Variants in RBFOX1 observed in about 807,000 individuals in gnomAD.
RBFOX1 encodes RNA binding protein fox-1 homolog 1.
Under a neutral mutation model 57.7 loss-of-function variants are expected in RBFOX1, and 8 were observed. The ratio of observed to expected loss-of-function variants is 0.14; its 90% CI spans 0.08 to 0.25. RBFOX1 has a LOEUF of 0.25. RBFOX1 is among the 10% of genes least tolerant of loss of function. The pLI is 1.00. For synonymous variants in RBFOX1, 326 were observed against 222.4 expected (o/e 1.47, Z -4.15); for missense variants, 611 against 548.5 (o/e 1.11, Z -1.14).
chr16:7,314,918 C>T (rs911539588), intron 4 of RBFOX1, among the ~76,000 whole-genome samples: 1 of 152,030 alleles, frequency 6.6e-6, no homozygotes, highest in East Asian at 1.9e-4. Flanking sequence ...ATTTATTTTC[C>T]GGATTGGGAA....
At chr16:5,366,046 G>C in intron 1 of RBFOX1, 4 of 482,424 alleles carry the variant, frequency 8.3e-6, no homozygotes, top group Admixed American at 2.2e-5. Flanking sequence ...TGTCTGTACA[G>C]CAATGGTTTC....
At chr16:7,460,007 C>G (rs74012590) in intron 4 of RBFOX1, among the ~76,000 whole-genome samples, 1 of 151,998 alleles carries the variant, frequency 6.6e-6, no homozygotes, top group African/African-American at 2.4e-5. Context: ...ACAAGAGAAA[C>G]AGGTATGATT....
At chr16:6,151,997 C>G (rs952186437) in intron 1 of RBFOX1, among the ~76,000 whole-genome samples, 1 of 152,148 alleles carries the variant, frequency 6.6e-6, no homozygotes. Flanking sequence ...ATGTGAATAG[C>G]CATTCCTTGG....
intron 4 of RBFOX1, among the ~76,000 whole-genome samples, chr16:7,095,899 G>C (rs1180580776): frequency 1.3e-5 from 2 of 151,430 alleles, no homozygotes; most frequent in Non-Finnish European, 2.9e-5. Flanking sequence ...TGTAATCCCA[G>C]CTACTTGGGA....
chr16:5,357,881 G>A (rs2065436982), intron 1 of RBFOX1, among the ~76,000 whole-genome samples: 2 of 152,186 alleles, frequency 1.3e-5, no homozygotes, highest in African/African-American at 4.8e-5. Context: ...CATGGAATGA[G>A]ATGAAATGTA....
chr16:7,123,052 G>T (rs1200202524), intron 4 of RBFOX1, among the ~76,000 whole-genome samples: 1 of 152,016 alleles, frequency 6.6e-6, no homozygotes, highest in African/African-American at 2.4e-5. Context: ...GGGGTTGGGG[G>T]GAGGGTAGTT....
rs562265580 is a variant in RBFOX1 at position 7,039,008 on chromosome 16, A to C, written c.-15-13049A>C. On this transcript the variant is annotated intron_variant, in intron 3 of 15. Transcript: ENST00000550418. ...GCCAGAGCAGTGACTCTCTTGATATAAGTACCATTATTACCAAACAATATG... is the reference window on the plus strand; with the variant it reads ...GCCAGAGCAGTGACTCTCTTGATATCAGTACCATTATTACCAAACAATATG... 1.7e-4 allele frequency among the ~76,000 whole-genome samples: 25 copies of C among 150,256 alleles called. No individual in the cohort carries two copies. The Admixed American group carries it at 1.7e-3, about 10-fold the overall frequency.
chr16:7,093,563 C>T (rs2061211812), intron 4 of RBFOX1, among the ~76,000 whole-genome samples: 1 of 152,148 alleles, frequency 6.6e-6, no homozygotes, highest in African/African-American at 2.4e-5. Context: ...ATGATGGACC[C>T]TCATGAACAT....
At chr16:5,920,939 C>T (rs898892886) in intron 4 of RBFOX1, among the ~76,000 whole-genome samples, 5 of 95,396 alleles carry the variant, frequency 5.2e-5, no homozygotes, top group Non-Finnish European at 1.2e-4. Flanking sequence ...GAACATGTGC[C>T]GTGCAAGGCT....
rs184410371 is a variant in RBFOX1, at chr16:5,286,420, G to A, written c.219+46315G>A. On this transcript the variant is annotated intron_variant, in intron 1 of 2. Transcript: ENST00000585867. ...TTCCTCAGGCCTCTCAGTAGTAAGT[G>A]TGAGCACTAGCTCTGGAGGCAGGGG... Among the ~76,000 whole-genome samples, 6 of 152,308 alleles carry A rather than the reference G, an allele frequency of 3.9e-5. No individual in the cohort carries two copies. The East Asian group carries it at 1.2e-3, about 29-fold the overall frequency.
intron 3 of RBFOX1, among the ~76,000 whole-genome samples, chr16:6,964,509 G>T (rs568406488): frequency 3.9e-4 from 59 of 152,254 alleles, no homozygotes; most frequent in Non-Finnish European, 7.1e-4. Flanking sequence ...TGCACCTCTG[G>T]TAGGGGGTTT....
At chr16:5,786,529 G>A (rs1239317521) in intron 3 of RBFOX1, among the ~76,000 whole-genome samples, 1 of 152,162 alleles carries the variant, frequency 6.6e-6, no homozygotes, top group Non-Finnish European at 1.5e-5. Flanking sequence ...TGCCTCGAGA[G>A]GGTTCTGCAC....
chr16:7,115,359 T>C (rs1327364983), intron 4 of RBFOX1, among the ~76,000 whole-genome samples: 3 of 152,200 alleles, frequency 2.0e-5, no homozygotes, highest in Non-Finnish European at 4.4e-5. Flanking sequence ...ATGAAAGTCC[T>C]ACCTACATAG....
chr16:5,444,617 C>G (rs1024047099), intron 1 of RBFOX1, among the ~76,000 whole-genome samples: 2 of 152,052 alleles, frequency 1.3e-5, no homozygotes, highest in South Asian at 2.1e-4. Context: ...GATCTCATGG[C>G]CAGATGTCTC....
At chr16:6,020,330 C>T (rs1346258772) in intron 1 of RBFOX1, among the ~76,000 whole-genome samples, 1 of 152,090 alleles carries the variant, frequency 6.6e-6, no homozygotes, top group Non-Finnish European at 1.5e-5. Flanking sequence ...CCTGCCTGCG[C>T]ACTTTGATTA....
chr16:7,198,218 G>T (rs1030398523), intron 4 of RBFOX1, among the ~76,000 whole-genome samples: 2 of 151,768 alleles, frequency 1.3e-5, no homozygotes, highest in Non-Finnish European at 2.9e-5. Context: ...TGTTAGCCAG[G>T]ATGTTTTCAA....
chr16:5,675,316 C>T (rs7186077), intron 3 of RBFOX1, among the ~76,000 whole-genome samples: 3,061 of 152,178 alleles, frequency 0.02, 97 homozygotes, highest in African/African-American at 0.069. Flanking sequence ...TGAACCAGCC[C>T]AGGAAGCTCT....
chr16:6,974,745 A>T (rs964098342), intron 3 of RBFOX1, among the ~76,000 whole-genome samples: 1 of 151,708 alleles, frequency 6.6e-6, no homozygotes, highest in African/African-American at 2.4e-5. Flanking sequence ...CTTAACTGAA[A>T]CTCACCAGAG....
intron 3 of RBFOX1, among the ~76,000 whole-genome samples, chr16:5,728,024 C>G (rs909882104): frequency 1.7e-4 from 26 of 152,332 alleles, no homozygotes; most frequent in African/African-American, 6.0e-4. Flanking sequence ...TCTTTAGATT[C>G]TAAATATAAG....
Sources: gnomAD v4.1 joint callset for allele counts (sites outside exome capture counted in the v4.1 genomes callset) on GRCh38, gnomAD v4.1.1 for gene constraint, MANE v1.5 for transcripts, NCBI Gene and HGNC (gene_info 2026-07-23, HGNC 2026-07-21) for gene names.